The following MAF variants were observed in gnomAD, a reference collection of about 807,000 sequenced individuals.
MAF encodes the protein transcription factor Maf.
A neutral mutation model predicts 22.0 loss-of-function variants in MAF; 10 were observed. That is an observed-to-expected ratio of 0.45 (90% CI 0.28 to 0.77). The LOEUF (loss-of-function observed/expected upper bound fraction) is 0.77. Ranked by LOEUF, MAF falls within the 30% of genes least tolerant of loss-of-function variation. MAF has a pLI of 0.12. For missense variants in MAF, 544 were observed against 548.4 expected (o/e 0.99, Z 0.08); for synonymous variants, 337 against 255.8 (o/e 1.32, Z -3.03).
chr16:79,300,543 G>C, the MAF span, among the ~76,000 whole-genome samples: 4 of 148,520 alleles, frequency 2.7e-5, no homozygotes, highest in African/African-American at 1.0e-4. Flanking sequence ...GACAGAGCAA[G>C]ACTCCATCTC....
chr16:79,510,614 T>C, the MAF span, among the ~76,000 whole-genome samples: 20 of 152,318 alleles, frequency 1.3e-4, no homozygotes, highest in South Asian at 4.1e-4. Flanking sequence ...TGGGATCTAT[T>C]TACTGTCATA....
chr16:79,240,593 G>A, the MAF span, among the ~76,000 whole-genome samples: 32 of 149,288 alleles, frequency 2.1e-4, no homozygotes, highest in Middle Eastern at 3.2e-3. Flanking sequence ...GAGCACCTGC[G>A]GGAAGGGGTG....
At chr16:79,255,456 C>T in the MAF span, among the ~76,000 whole-genome samples, 3 of 152,218 alleles carry the variant, frequency 2.0e-5, no homozygotes, top group East Asian at 1.9e-4. Flanking sequence ...TGAATAAAAA[C>T]TGGATCCATC....
the MAF span, among the ~76,000 whole-genome samples, chr16:79,475,321 C>T: frequency 6.8e-6 from 1 of 147,792 alleles, no homozygotes; most frequent in East Asian, 2.0e-4. Flanking sequence ...TATATATGTG[C>T]ATATATATAT....
At chr16:79,429,826 G>A in the MAF span, among the ~76,000 whole-genome samples, 6 of 152,150 alleles carry the variant, frequency 3.9e-5, no homozygotes, top group African/African-American at 1.4e-4. Flanking sequence ...TGTGGTGTAC[G>A]CAACATTCCA....
chr16:79,253,029 T>C, the MAF span, among the ~76,000 whole-genome samples: 11 of 152,210 alleles, frequency 7.2e-5, no homozygotes, highest in Admixed American at 1.3e-4. Context: ...CATGAGTTTA[T>C]TGTGCAGATT....
At chr16:79,233,109 G>C in the MAF span, among the ~76,000 whole-genome samples, 6 of 151,708 alleles carry the variant, frequency 4.0e-5, no homozygotes, top group Admixed American at 2.0e-4. Context: ...CAAAGTGCTG[G>C]GATTATAGGC....
At chr16:79,592,399 C>G (rs562241899), downstream of MAF, among the ~76,000 whole-genome samples, 1 of 152,168 alleles carries the variant, frequency 6.6e-6, no homozygotes, top group Non-Finnish European at 1.5e-5. Context: ...CGGAGCAATG[C>G]CTGGAGAGAA....
chr16:79,246,555 G>GGC, the MAF span, among the ~76,000 whole-genome samples: 2 of 124,648 alleles, frequency 1.6e-5, no homozygotes, highest in African/African-American at 5.9e-5. Context: ...GGGGTGTGGG[G>GGC]GTGTATTTAA....
the MAF span, among the ~76,000 whole-genome samples, chr16:79,532,444 T>C: frequency 6.6e-6 from 1 of 152,206 alleles, no homozygotes; most frequent in African/African-American, 2.4e-5. Flanking sequence ...AGCTGGTACA[T>C]TTCAGTGCAG....
intron 1 of MAF, chr16:79,595,485 T>G: frequency 9.4e-7 from 1 of 1,059,408 alleles, no homozygotes; most frequent in Non-Finnish European, 1.1e-6. Context: ...AAAACAGTGC[T>G]GGCTTTGTCT....
chr16:79,254,195 G>C, the MAF span, among the ~76,000 whole-genome samples: 4 of 151,886 alleles, frequency 2.6e-5, no homozygotes, highest in Admixed American at 1.3e-4. Context: ...CAACATTTTC[G>C]AATAATTTTC....
chr16:79,481,039 T>A, the MAF span, among the ~76,000 whole-genome samples: 3 of 152,152 alleles, frequency 2.0e-5, no homozygotes, highest in African/African-American at 7.2e-5. Flanking sequence ...ACCTGTAGTG[T>A]GTATGTTTAT....
the MAF span, among the ~76,000 whole-genome samples, chr16:79,537,437 C>T: frequency 6.8e-6 from 1 of 147,178 alleles, no homozygotes; most frequent in African/African-American, 2.5e-5. Flanking sequence ...TATTGCAATG[C>T]CCATTTTACA....
the MAF span, among the ~76,000 whole-genome samples, chr16:79,351,142 A>T: frequency 1.3e-5 from 2 of 152,110 alleles, no homozygotes; most frequent in Non-Finnish European, 2.9e-5. Context: ...TTGGAAAGTG[A>T]CTACATTCTC....
chr16:79,384,877 G>A, the MAF span, among the ~76,000 whole-genome samples: 1 of 152,236 alleles, frequency 6.6e-6, no homozygotes, highest in Admixed American at 6.5e-5. Context: ...GTCAATGACA[G>A]TAGCTTGTGC....
At chr16:79,559,661 T>C in the MAF span, among the ~76,000 whole-genome samples, 1 of 152,198 alleles carries the variant, frequency 6.6e-6, no homozygotes, top group Non-Finnish European at 1.5e-5. Context: ...TGTACATTAC[T>C]ATCTGTAATT....
the MAF span, among the ~76,000 whole-genome samples, chr16:79,543,763 T>C: frequency 2.0e-5 from 3 of 150,258 alleles, no homozygotes; most frequent in Non-Finnish European, 4.4e-5. Context: ...CTCGGCTCAC[T>C]GCAAGCTCCG....
chr16:79,349,407 A>C, the MAF span, among the ~76,000 whole-genome samples: 4 of 152,228 alleles, frequency 2.6e-5, no homozygotes, highest in African/African-American at 9.6e-5. Flanking sequence ...ATCTGTTTAG[A>C]AAGTTACTTC....
Sources: gnomAD v4.1 joint callset for allele counts (sites outside exome capture counted in the v4.1 genomes callset) on GRCh38, gnomAD v4.1.1 for gene constraint, MANE v1.5 for transcripts, NCBI Gene and HGNC (gene_info 2026-07-23, HGNC 2026-07-21) for gene names.